The following PIGX variants were observed in gnomAD, a reference collection of about 807,000 sequenced individuals.
PIGX encodes GPI alpha-1,4-mannosyltransferase I, stabilizing subunit.
Under a neutral mutation model 28.7 loss-of-function variants are expected in PIGX, and 24 were observed. The observed-to-expected ratio is 0.84, with a 90% confidence interval of 0.60 to 1.17. PIGX has a LOEUF of 1.17. Ranked by LOEUF, PIGX falls within the 50% of genes most tolerant of loss-of-function variation. The pLI, the probability that PIGX is intolerant of heterozygous loss-of-function variation, is 0.00. For missense variants in PIGX, 305 were observed against 317.8 expected (o/e 0.96, Z 0.31); for synonymous variants, 127 against 121.0 (o/e 1.05, Z -0.33).
At position 196,735,338 on chromosome 3, in the gene PIGX, T is replaced by C. The variant is rs1283054484; in HGVS notation, c.*1436T>C. 1 of 134,338 alleles carries C rather than the reference T, an allele frequency of 7.4e-6. No homozygotes were observed. Among genetic ancestry groups the C allele is most frequent in the Non-Finnish European group, 1.6e-5 (1 of 63,084 alleles). The allele number at this position is 134,338 out of a possible 1,614,324, so 8.3% of individuals were successfully genotyped here. On this transcript the variant is annotated 3_prime_UTR_variant, in exon 6 of 6. Transcript: ENST00000392391. ...AAAAAAAAAAAAGTAAATAAAACCT[T>C]AGGGCAAGCATGTTCCAAAACAGAA...
chr3:196,718,899 T>A (rs1031847666), intron 2 of PIGX, among the ~76,000 whole-genome samples: 1 of 152,212 alleles, frequency 6.6e-6, no homozygotes, highest in Non-Finnish European at 1.5e-5. Flanking sequence ...ATTGGATGAA[T>A]TGACCCTTTT....
At chr3:196,720,523 C>T (rs1437674956) in intron 2 of PIGX, among the ~76,000 whole-genome samples, 2 of 152,144 alleles carry the variant, frequency 1.3e-5, no homozygotes, top group African/African-American at 2.4e-5. Context: ...ACGGTTGTCT[C>T]TTAAATGCCT....
Position 196,715,457 on chromosome 3 carries a change from A to T in PIGX, c.113-1401A>T, listed in dbSNP as rs141134561. On this transcript the variant is annotated intron_variant, in intron 1 of 5. Coordinates refer to ENST00000392391, the MANE Select transcript of PIGX (RefSeq NM_017861.4). ...AGTGATTTTGCTTATTTTGCTATAG[A>T]TCGTGAAAGTTAAAACACATATGAA... Among the ~76,000 whole-genome samples, 19 of 152,312 alleles carry T rather than the reference A, an allele frequency of 1.2e-4. 1 individual carries two copies. Among genetic ancestry groups the T allele is most frequent in the African/African-American group, 4.6e-4 (19 of 41,564 alleles).
At chr3:196,721,217 T>C in intron 2 of PIGX, 1 of 375,604 alleles carries the variant, frequency 2.7e-6, no homozygotes, top group South Asian at 2.0e-5. Flanking sequence ...TGATATTGTT[T>C]AAAGGCCATG....
rs760874436 is a variant in PIGX at position 196,716,897 on chromosome 3, A to G, written c.152A>G (p.Glu51Gly). The stretch of plus-strand genomic sequence containing the variant: ...TGTTCTGAAATTATTTTGAGGCAAG[A>G]AGTTTTGAAAGATGGTTTCCACAGG... Residue 51 changes from glutamate (E) to glycine (G), a missense_variant, in exon 2 of 6, where the codon GAA becomes GGA. Glu to Gly is a moderately conservative substitution (Grantham distance 98, BLOSUM62 -2). Coordinates refer to ENST00000392391, the MANE Select transcript of PIGX (RefSeq NM_017861.4). 1.2e-6 allele frequency: 2 copies of G among 1,603,960 alleles called. No individual in the cohort carries two copies. Among genetic ancestry groups the G allele is most frequent in the South Asian group, 2.2e-5 (2 of 90,804 alleles).
chr3:196,719,377 T>A (rs537419347), intron 2 of PIGX, among the ~76,000 whole-genome samples: 1 of 152,280 alleles, frequency 6.6e-6, no homozygotes, highest in South Asian at 2.1e-4. Context: ...ATGTGCACAA[T>A]GTGCAGGTTT....
At chr3:196,724,280 G>T (rs996248659) in intron 3 of PIGX, among the ~76,000 whole-genome samples, 2 of 152,104 alleles carry the variant, frequency 1.3e-5, no homozygotes, top group Non-Finnish European at 2.9e-5. Flanking sequence ...CTCCCAAAGT[G>T]CTGGGATTAC....
chr3:196,717,940 C>T (rs753113665), intron 2 of PIGX: 4 of 152,174 alleles, frequency 2.6e-5, no homozygotes, highest in Non-Finnish European at 5.9e-5. Flanking sequence ...CTTGCCCAAA[C>T]TGAAGCTTCG....
intron 5 of PIGX, among the ~76,000 whole-genome samples, chr3:196,732,592 A>G (rs1712857669): frequency 6.6e-6 from 1 of 151,792 alleles, no homozygotes; most frequent in Non-Finnish European, 1.5e-5. Flanking sequence ...CTTTATATAT[A>G]TTTCATCTTC....
In PIGX at chr3:196,733,850, GC is replaced by G; in HGVS notation, c.726del (p.Ser243LeufsTer3). ...GTGACTCTGCTCATTACAATCCTGT[GC>G]TCTACATTGATCCTTGTAGCAGTTT... On this transcript the variant is annotated frameshift_variant, in exon 6 of 6. Coordinates refer to ENST00000392391, the MANE Select transcript of PIGX (RefSeq NM_017861.4). LOFTEE classifies it high-confidence loss of function. This position sits in a 1 kb window ranked among gnomAD's most constrained non-coding sequence, Gnocchi z 4.3. 6.2e-7 allele frequency: 1 copy of G among 1,603,698 alleles called. No individual in the cohort carries two copies.
At chr3:196,728,860 G>GT (rs1424904740) in intron 4 of PIGX, 2 of 710,558 alleles carry the variant, frequency 2.8e-6, no homozygotes, top group Non-Finnish European at 5.1e-6. Flanking sequence ...GTTGCTTTTT[G>GT]TTTCTTGTTA....
intron 1 of PIGX, among the ~76,000 whole-genome samples, chr3:196,715,801 A>G (rs1712073758): frequency 6.6e-6 from 1 of 151,738 alleles, no homozygotes; most frequent in Non-Finnish European, 1.5e-5. Context: ...CCATGCTCCC[A>G]CCTCAGCCTC....
intron 2 of PIGX, 66 bp downstream of exon 2, chr3:196,716,987 G>T: frequency 1.0e-6 from 1 of 982,326 alleles, no homozygotes; most frequent in South Asian, 1.3e-5. Flanking sequence ...GCAAAAAATT[G>T]ATGGTTGAAA....
intron 1 of PIGX, among the ~76,000 whole-genome samples, chr3:196,715,269 G>GT (rs1311530902): frequency 6.6e-6 from 1 of 152,136 alleles, no homozygotes; most frequent in African/African-American, 2.4e-5. Flanking sequence ...TCGAAGAGCT[G>GT]TAACACTAAA....
chr3:196,721,823 G>T lies in PIGX; in HGVS notation c.177-592G>T, dbSNP rs142210119. ...GCTGGAGTACAGGGGCATGATCTTGGTTCATTGCACCCTCCACCTCCCAGG... is the reference window on the plus strand; with the variant it reads ...GCTGGAGTACAGGGGCATGATCTTGTTTCATTGCACCCTCCACCTCCCAGG... On this transcript the variant is annotated intron_variant, in intron 2 of 5. Transcript: ENST00000392391. Among the ~76,000 whole-genome samples the T allele has an allele frequency of 1.9e-3, 288 of 151,964 alleles. 1 individual carries two copies. The highest frequency in any genetic ancestry group is 6.5e-3 in the African/African-American group (267 of 41,386).
chr3:196,714,933 G>A (rs1045531388), intron 1 of PIGX, among the ~76,000 whole-genome samples: 4 of 152,008 alleles, frequency 2.6e-5, no homozygotes, highest in South Asian at 2.1e-4. Context: ...AGAATTAGCC[G>A]GGCGTAGTGG....
intron 2 of PIGX, among the ~76,000 whole-genome samples, chr3:196,720,623 C>T (rs1244078195): frequency 6.6e-6 from 1 of 152,090 alleles, no homozygotes; most frequent in African/African-American, 2.4e-5. Flanking sequence ...TCTGTAGTGG[C>T]CACATCATTT....
intron 2 of PIGX, chr3:196,721,260 TC>T: frequency 6.0e-6 from 2 of 336,030 alleles, no homozygotes; most frequent in Admixed American, 4.4e-5. Flanking sequence ...TGGTCTTTTT[TC>T]CTCTCTGTGC....
chr3:196,712,492 T>C lies in PIGX; in HGVS notation c.-41T>C. On this transcript the variant is annotated 5_prime_UTR_variant, in exon 1 of 6. Coordinates refer to ENST00000392391, the MANE Select transcript of PIGX (RefSeq NM_017861.4). Reference sequence around the variant, plus strand: ...CCAGGCCCCTTCCTGCGTCCGCACCTGGCCCCGCGCGCCCCTCTCGGGCGT... The same window carrying C: ...CCAGGCCCCTTCCTGCGTCCGCACCCGGCCCCGCGCGCCCCTCTCGGGCGT... The C allele has an allele frequency of 9.9e-7, 1 of 1,006,150 alleles. No individual in the cohort carries two copies. The highest frequency in any genetic ancestry group is 4.8e-5 in the Admixed American group (1 of 20,822). The allele number at this position is 1,006,150 out of a possible 1,614,324, so 62.3% of individuals were successfully genotyped here. A position where few individuals can be genotyped will look rare whatever the true frequency, so the allele number is the denominator to read the frequency against.
Sources: allele counts gnomAD v4.1 joint callset (sites outside exome capture counted in the v4.1 genomes callset), GRCh38; gene constraint gnomAD v4.1.1; non-coding constraint Gnocchi (gnomAD v3.1); transcripts MANE v1.5; gene names NCBI Gene and HGNC (gene_info 2026-07-23, HGNC 2026-07-21).